MEGF10: variants seen among roughly 807,000 people sequenced by gnomAD.
The protein encoded by MEGF10 is multiple EGF like domains 10.
Under a neutral mutation model 147.5 loss-of-function variants are expected in MEGF10, and 86 were observed. That is an observed-to-expected ratio of 0.58 (90% CI 0.49 to 0.70). MEGF10 has a LOEUF of 0.70. Ranked by LOEUF, MEGF10 falls within the 30% of genes least tolerant of loss-of-function variation. The pLI is 0.00. For synonymous variants in MEGF10, 478 were observed against 525.5 expected, an observed-to-expected ratio of 0.91 and a Z score of 1.24; for missense variants, 1,329 against 1,487.3, an observed-to-expected ratio of 0.89 and a Z score of 1.75.
chr5:127,331,744 G>C (rs1035067553), intron 2 of MEGF10, among the ~76,000 whole-genome samples: 11 of 152,132 alleles, frequency 7.2e-5, no homozygotes, highest in African/African-American at 2.7e-4. Context: ...ATTTTGGGGA[G>C]CTGGACTTAT....
intron 19 of MEGF10, among the ~76,000 whole-genome samples, chr5:127,443,807 T>G (rs910799071): frequency 3.9e-5 from 6 of 152,222 alleles, no homozygotes; most frequent in Admixed American, 1.3e-4. Flanking sequence ...ATTGTATGGA[T>G]ATACTATAAT....
intron 5 of MEGF10, 126 bp from the exon 6 acceptor site, chr5:127,396,406 G>C (rs1050008509): frequency 8.7e-7 from 1 of 1,155,916 alleles, no homozygotes; most frequent in East Asian, 2.6e-5. Flanking sequence ...CATGGGTTGG[G>C]GCCAGGGCCC....
chr5:127,296,979 T>G (rs1354765816), intron 1 of MEGF10, among the ~76,000 whole-genome samples: 1 of 152,184 alleles, frequency 6.6e-6, no homozygotes, highest in African/African-American at 2.4e-5. Flanking sequence ...TTTGTTTTGT[T>G]TTTTGAAGTG....
chr5:127,457,018 T>C, intron 24 of MEGF10, 110 bp from the exon 25 acceptor site: 1 of 1,099,574 alleles, frequency 9.1e-7, no homozygotes, highest in South Asian at 1.9e-5. Context: ...AGCATTTCCT[T>C]ATATTTTTTT....
At chr5:127,336,862 A>G (rs1251196218) in intron 2 of MEGF10, among the ~76,000 whole-genome samples, 1 of 152,106 alleles carries the variant, frequency 6.6e-6, no homozygotes, top group Non-Finnish European at 1.5e-5. Context: ...TTTTGCTCAT[A>G]GGTGATGTAG....
chr5:127,444,068 A>T (rs999289533), intron 19 of MEGF10, among the ~76,000 whole-genome samples: 8 of 152,342 alleles, frequency 5.3e-5, no homozygotes, highest in African/African-American at 1.7e-4. Context: ...GTTGTCAGGT[A>T]CATGGTCCTA....
At chr5:127,248,466 T>C in the MEGF10 span, among the ~76,000 whole-genome samples, 4,653 of 152,118 alleles carry the variant, frequency 0.031, 188 homozygotes, top group African/African-American at 0.097. Flanking sequence ...TTTATACACA[T>C]GTTCAAAGAT....
intron 6 of MEGF10, among the ~76,000 whole-genome samples, chr5:127,398,450 A>G (rs1764004696): frequency 6.6e-6 from 1 of 152,174 alleles, no homozygotes; most frequent in African/African-American, 2.4e-5. Flanking sequence ...CTTCTCTTCA[A>G]ACCGAAATGG....
intron 2 of MEGF10, among the ~76,000 whole-genome samples, chr5:127,333,656 T>C (rs1191573366): frequency 6.6e-6 from 1 of 152,208 alleles, no homozygotes; most frequent in African/African-American, 2.4e-5. Context: ...ATAAGTGCAT[T>C]GTCTGGCTCA....
intron 1 of MEGF10, among the ~76,000 whole-genome samples, chr5:127,322,643 G>C (rs1433830414): frequency 6.6e-6 from 1 of 152,130 alleles, no homozygotes; most frequent in South Asian, 2.1e-4. Context: ...GTGTTTGCTG[G>C]TTGAAATAAC....
chr5:127,266,052 AG>A, the MEGF10 span, among the ~76,000 whole-genome samples: 22 of 152,076 alleles, frequency 1.4e-4, no homozygotes, highest in Admixed American at 6.5e-4. Flanking sequence ...TTATGGTTTT[AG>A]GTCTAACATT....
rs77917042 is a variant in MEGF10, at chr5:127,361,086, T to C, written c.320-8824T>C. Among the ~76,000 whole-genome samples, 363 of 152,094 alleles carry C rather than the reference T, an allele frequency of 2.4e-3. 1 individual carries two copies. The highest frequency in any genetic ancestry group is 8.2e-3 in the African/African-American group (340 of 41,550). ...GAAGCTGGGAAGTAGTCTCTGGCCT[T>C]CAATTTTCTGGAATAAGTTTTTTTT... On this transcript the variant is annotated intron_variant, in intron 4 of 24. Transcript: ENST00000503335.
chr5:127,233,092 A>G, the MEGF10 span, among the ~76,000 whole-genome samples: 1 of 152,160 alleles, frequency 6.6e-6, no homozygotes, highest in Non-Finnish European at 1.5e-5. Context: ...TGGTGGCCCT[A>G]TTGTTGAAGT....
the MEGF10 span, among the ~76,000 whole-genome samples, chr5:127,261,993 A>G: frequency 2.0e-5 from 3 of 151,940 alleles, no homozygotes; most frequent in Admixed American, 1.3e-4. Context: ...ATACTTTTTT[A>G]TGTGTTCTAG....
rs570148417 is a variant in MEGF10 at position 127,329,916 on chromosome 5, C to A, written c.-18-1375C>A. ...CAAACCATTACAGGTGTTACACACCCGGGCCTGGCGCAGGTCCTAGCATAT... is the reference window on the plus strand; with the variant it reads ...CAAACCATTACAGGTGTTACACACCAGGGCCTGGCGCAGGTCCTAGCATAT... On this transcript the variant is annotated intron_variant, in intron 1 of 24. Coordinates refer to ENST00000503335, the MANE Select transcript of MEGF10 (RefSeq NM_001256545.2). Among the ~76,000 whole-genome samples the A allele has an allele frequency of 1.1e-4, 17 of 152,260 alleles. 1 individual carries two copies. The South Asian group carries it at 3.3e-3, about 30-fold the overall frequency.
At chr5:127,274,700 C>A in the MEGF10 span, among the ~76,000 whole-genome samples, 17 of 152,050 alleles carry the variant, frequency 1.1e-4, no homozygotes, top group African/African-American at 4.1e-4. Flanking sequence ...AAAGTAATTA[C>A]TGAGATTGTC....
intron 1 of MEGF10, among the ~76,000 whole-genome samples, chr5:127,321,992 T>C (rs1207656988): frequency 1.3e-5 from 2 of 151,900 alleles, no homozygotes; most frequent in Non-Finnish European, 2.9e-5. Flanking sequence ...TATTCTGTTA[T>C]GATTGGATTT....
chr5:127,399,697 C>T (rs1266553203), intron 7 of MEGF10, among the ~76,000 whole-genome samples: 1 of 152,136 alleles, frequency 6.6e-6, no homozygotes, highest in Non-Finnish European at 1.5e-5. Flanking sequence ...TACCAACCTC[C>T]CTTCCTTAAT....
chr5:127,321,611 G>T (rs1760787811), intron 1 of MEGF10, among the ~76,000 whole-genome samples: 1 of 152,122 alleles, frequency 6.6e-6, no homozygotes, highest in African/African-American at 2.4e-5. Flanking sequence ...GCTTAACTTG[G>T]ATTGCTCATC....
Sources: allele counts gnomAD v4.1 joint callset (sites outside exome capture counted in the v4.1 genomes callset), GRCh38; gene constraint gnomAD v4.1.1; transcripts MANE v1.5; gene names NCBI Gene and HGNC (gene_info 2026-07-23, HGNC 2026-07-21).